The following CSMD1 variants were observed in gnomAD, a reference collection of about 807,000 sequenced individuals.
CSMD1 encodes CUB and sushi domain-containing protein 1.
A neutral mutation model predicts 417.5 loss-of-function variants in CSMD1; 213 were observed. That is an observed-to-expected ratio of 0.51 (90% CI 0.46 to 0.57). The LOEUF is 0.57. CSMD1 is among the 20% of genes least tolerant of loss of function. The pLI is 0.00. For synonymous variants in CSMD1, 2,862 were observed against 1,736.8 expected, an observed-to-expected ratio of 1.65 and a Z score of -16.11; for missense variants, 6,923 against 4,529.7, an observed-to-expected ratio of 1.53 and a Z score of -15.17.
chr8:4,159,647 G>A (rs914909445), intron 3 of CSMD1, among the ~76,000 whole-genome samples: 3 of 152,148 alleles, frequency 2.0e-5, no homozygotes, highest in Admixed American at 6.5e-5. Context: ...GGAGCACAGT[G>A]GCGCGATCTC....
chr8:4,147,003 A>C (rs1804177123), intron 3 of CSMD1, among the ~76,000 whole-genome samples: 3 of 151,540 alleles, frequency 2.0e-5, no homozygotes, highest in Non-Finnish European at 4.4e-5. Flanking sequence ...CTGTCCATCC[A>C]CTCAGAGGCC....
At chr8:4,230,129 C>G (rs1801624848) in intron 3 of CSMD1, among the ~76,000 whole-genome samples, 1 of 152,156 alleles carries the variant, frequency 6.6e-6, no homozygotes, top group Non-Finnish European at 1.5e-5. Flanking sequence ...TAAATCATCT[C>G]AGAATGTGAT....
At chr8:3,792,622 T>C (rs1006412870) in intron 5 of CSMD1, among the ~76,000 whole-genome samples, 12 of 152,142 alleles carry the variant, frequency 7.9e-5, no homozygotes, top group Admixed American at 1.3e-4. Context: ...AGACAAATCA[T>C]GACAGGCAGT....
intron 3 of CSMD1, among the ~76,000 whole-genome samples, chr8:4,154,945 T>C (rs1164094506): frequency 6.6e-6 from 1 of 152,166 alleles, no homozygotes; most frequent in Non-Finnish European, 1.5e-5. Context: ...TAATACAAAA[T>C]GTTATATTGA....
chr8:3,246,865 G>C (rs1169485147), intron 26 of CSMD1, among the ~76,000 whole-genome samples: 1 of 152,172 alleles, frequency 6.6e-6, no homozygotes, highest in East Asian at 1.9e-4. Flanking sequence ...TTTAGCGGTT[G>C]ATTAAAAATT....
At chr8:3,307,645 GAAGGCATATCTCTTTTCTC>G in intron 25 of CSMD1, 31 bp downstream of exon 25, 1 of 1,573,930 alleles carries the variant, frequency 6.4e-7, no homozygotes, top group African/African-American at 1.4e-5. Flanking sequence ...TACAAGAATA[GAAGGCATATCTCTTTTCTC>G]AAATCACTGA....
chr8:4,383,185 A>C (rs1803217502), intron 3 of CSMD1, among the ~76,000 whole-genome samples: 1 of 152,158 alleles, frequency 6.6e-6, no homozygotes, highest in Non-Finnish European at 1.5e-5. Flanking sequence ...TGACATTCAG[A>C]AGTATATAAC....
chr8:3,538,312 G>A (rs1223732948), intron 10 of CSMD1, among the ~76,000 whole-genome samples: 1 of 151,044 alleles, frequency 6.6e-6, no homozygotes, highest in South Asian at 2.1e-4. Context: ...GATGGTACAC[G>A]TGCGATGCCT....
chr8:3,642,018 C>A (rs75710074), intron 7 of CSMD1, among the ~76,000 whole-genome samples: 1 of 152,108 alleles, frequency 6.6e-6, no homozygotes, highest in African/African-American at 2.4e-5. Flanking sequence ...AGGTTTCCCC[C>A]TCACCACATC....
At chr8:4,588,676 T>G (rs1799828421) in intron 2 of CSMD1, among the ~76,000 whole-genome samples, 1 of 151,674 alleles carries the variant, frequency 6.6e-6, no homozygotes, top group Non-Finnish European at 1.5e-5. Flanking sequence ...TCCCAGCTAC[T>G]CAAGAGGCTG....
chr8:3,354,882 T>C (rs570770702), intron 21 of CSMD1, among the ~76,000 whole-genome samples: 32 of 150,128 alleles, frequency 2.1e-4, no homozygotes, highest in Middle Eastern at 3.5e-3. Context: ...CATATATCTA[T>C]AGATATGTCT....
At chr8:4,662,313 T>C (rs1050683258) in intron 1 of CSMD1, among the ~76,000 whole-genome samples, 1 of 152,108 alleles carries the variant, frequency 6.6e-6, no homozygotes, top group Non-Finnish European at 1.5e-5. Flanking sequence ...GAGTAATGAA[T>C]TACTCAGAGG....
intron 42 of CSMD1, among the ~76,000 whole-genome samples, chr8:3,115,505 A>G (rs1464903328): frequency 6.6e-6 from 1 of 152,050 alleles, no homozygotes; most frequent in African/African-American, 2.4e-5. Flanking sequence ...CCCGGCCTAA[A>G]ACCCCCACCT....
intron 10 of CSMD1, among the ~76,000 whole-genome samples, chr8:3,553,892 G>A (rs1027023309): frequency 3.9e-5 from 6 of 152,198 alleles, no homozygotes; most frequent in Middle Eastern, 3.4e-3. Flanking sequence ...ATCCACAACA[G>A]TCATATTTAA....
chr8:3,941,786 T>A (rs1376172705), intron 5 of CSMD1, among the ~76,000 whole-genome samples: 2 of 152,148 alleles, frequency 1.3e-5, no homozygotes, highest in Non-Finnish European at 2.9e-5. Context: ...GATTCCAATT[T>A]TTCCTCTGTT....
chr8:3,188,029 G>A, intron 35 of CSMD1, 64 bp from the exon 36 acceptor site: 1 of 1,181,164 alleles, frequency 8.5e-7, no homozygotes, highest in Non-Finnish European at 1.2e-6. Context: ...CTAATTAGAT[G>A]GGGTTTTGGG....
At chr8:3,677,173 A>T (rs1799419092) in intron 7 of CSMD1, among the ~76,000 whole-genome samples, 1 of 152,164 alleles carries the variant, frequency 6.6e-6, no homozygotes, top group Non-Finnish European at 1.5e-5. Context: ...GTAAAATAAA[A>T]ATAAAAGAAA....
chr8:4,653,735 T>G (rs970799353), intron 1 of CSMD1, among the ~76,000 whole-genome samples: 1 of 152,200 alleles, frequency 6.6e-6, no homozygotes, highest in South Asian at 2.1e-4. Context: ...GGAGGAAAAT[T>G]GTATTCAAAC....
At chr8:3,392,526 C>T (rs1457302367) in intron 17 of CSMD1, among the ~76,000 whole-genome samples, 1 of 152,128 alleles carries the variant, frequency 6.6e-6, no homozygotes, top group East Asian at 2.0e-4. Flanking sequence ...GTTCCTTTAA[C>T]CCTCCGTGAC....
Sources: allele counts gnomAD v4.1 joint callset (sites outside exome capture counted in the v4.1 genomes callset), GRCh38; gene constraint gnomAD v4.1.1; transcripts MANE v1.5; gene names NCBI Gene and HGNC (gene_info 2026-07-23, HGNC 2026-07-21).